Variants in ZBTB20 observed in about 807,000 individuals in gnomAD.
ZBTB20 encodes zinc finger and BTB domain containing 20, also known as zinc finger and BTB domain-containing protein 20.
A neutral mutation model predicts 56.9 loss-of-function variants in ZBTB20; 9 were observed. The observed-to-expected ratio is 0.16, with a 90% CI of 0.10 to 0.28. The LOEUF is 0.28. Ranked by LOEUF, ZBTB20 falls within the 10% of genes least tolerant of loss-of-function variation. The pLI, the probability that ZBTB20 is intolerant of heterozygous loss-of-function variation, is 1.00. For missense variants in ZBTB20, 655 were observed against 1,003.0 expected, an observed-to-expected ratio of 0.65 and a Z score of 4.69; for synonymous variants, 417 against 420.7, an observed-to-expected ratio of 0.99 and a Z score of 0.11.
At chr3:115,027,037 A>G (rs2080455385) in intron 2 of ZBTB20, among the ~76,000 whole-genome samples, 1 of 150,942 alleles carries the variant, frequency 6.6e-6, no homozygotes, top group Non-Finnish European at 1.5e-5. Flanking sequence ...TAATGACTGC[A>G]TAATATCCTA....
chr3:114,883,916 C>CCTTGTTTTTTTTTTT (rs1223732179), intron 4 of ZBTB20, among the ~76,000 whole-genome samples: 1 of 89,774 alleles, frequency 1.1e-5, no homozygotes, highest in Admixed American at 1.6e-4. Flanking sequence ...ATGGTGTGTT[C>CCTTGTTTTTTTTTTT]TTTTTTTTTT....
chr3:114,671,407 T>C (rs191712215), intron 6 of ZBTB20, among the ~76,000 whole-genome samples: 111 of 152,212 alleles, frequency 7.3e-4, no homozygotes, highest in Non-Finnish European at 9.0e-4. Context: ...TAGTTTAAGC[T>C]TCTGGTAAAA....
intron 6 of ZBTB20, among the ~76,000 whole-genome samples, chr3:114,637,415 T>G (rs564804649): frequency 6.6e-6 from 1 of 152,236 alleles, no homozygotes; most frequent in African/African-American, 2.4e-5. Flanking sequence ...AATTGGGGTT[T>G]CACAGATCAA....
chr3:115,079,519 G>T (rs2108535488), intron 1 of ZBTB20, among the ~76,000 whole-genome samples: 1 of 152,212 alleles, frequency 6.6e-6, no homozygotes. Context: ...CTCCTGAGTA[G>T]CTGGAATTGC....
chr3:114,714,288 G>A (rs1358046055), intron 5 of ZBTB20, among the ~76,000 whole-genome samples: 1 of 152,134 alleles, frequency 6.6e-6, no homozygotes, highest in African/African-American at 2.4e-5. Context: ...AGATGAACAT[G>A]CTTCAGGGCA....
intron 2 of ZBTB20, among the ~76,000 whole-genome samples, chr3:115,020,928 C>A (rs1182165837): frequency 1.3e-5 from 2 of 150,884 alleles, no homozygotes; most frequent in Admixed American, 6.6e-5. Context: ...AACATTATTG[C>A]TATGGTATAA....
At chr3:114,795,721 C>T (rs969644279) in intron 5 of ZBTB20, among the ~76,000 whole-genome samples, 3 of 152,058 alleles carry the variant, frequency 2.0e-5, no homozygotes, top group Non-Finnish European at 2.9e-5. Flanking sequence ...TGGACCACAG[C>T]TTGTAATGTT....
intron 5 of ZBTB20, among the ~76,000 whole-genome samples, chr3:114,746,392 T>A (rs981766562): frequency 4.6e-5 from 7 of 152,116 alleles, no homozygotes; most frequent in East Asian, 1.9e-4. Flanking sequence ...TGTTTTTTTT[T>A]AATTATTTGA....
At chr3:114,849,065 A>T (rs1270446690) in intron 4 of ZBTB20, among the ~76,000 whole-genome samples, 5 of 152,204 alleles carry the variant, frequency 3.3e-5, no homozygotes. Flanking sequence ...GGGTTCATAC[A>T]TTTTCAAAAT....
chr3:114,525,702 C>G (rs2047142839), intron 6 of ZBTB20, among the ~76,000 whole-genome samples: 1 of 152,174 alleles, frequency 6.6e-6, no homozygotes, highest in African/African-American at 2.4e-5. Flanking sequence ...CTTACAACTA[C>G]AGTATACTCA....
At chr3:114,522,378 A>T (rs2046741731) in intron 6 of ZBTB20, among the ~76,000 whole-genome samples, 1 of 152,112 alleles carries the variant, frequency 6.6e-6, no homozygotes, top group African/African-American at 2.4e-5. Flanking sequence ...CGCTAAATGA[A>T]GACAGAGAGG....
At chr3:114,540,981 T>C (rs1451392181) in intron 6 of ZBTB20, among the ~76,000 whole-genome samples, 2 of 151,998 alleles carry the variant, frequency 1.3e-5, no homozygotes, top group Non-Finnish European at 2.9e-5. Context: ...CCCTAGGACT[T>C]TTTCCTGAGA....
chr3:114,785,712 C>T (rs182083259), intron 5 of ZBTB20, among the ~76,000 whole-genome samples: 85 of 152,130 alleles, frequency 5.6e-4, no homozygotes, highest in African/African-American at 1.9e-3. Context: ...CACATTACCA[C>T]GGTCAAGATT....
At chr3:114,825,888 C>T (rs1210765871) in intron 4 of ZBTB20, among the ~76,000 whole-genome samples, 1 of 151,674 alleles carries the variant, frequency 6.6e-6, no homozygotes, top group Non-Finnish European at 1.5e-5. Context: ...TTAATTTTTT[C>T]AACTGTAAGA....
intron 5 of ZBTB20, among the ~76,000 whole-genome samples, chr3:114,768,707 T>C (rs2068958101): frequency 6.6e-6 from 1 of 152,202 alleles, no homozygotes; most frequent in South Asian, 2.1e-4. Context: ...AAAGTATATT[T>C]AGCTCATCTG....
chr3:114,512,500 T>TA (rs1243993847), intron 6 of ZBTB20, among the ~76,000 whole-genome samples: 2 of 152,144 alleles, frequency 1.3e-5, no homozygotes, highest in East Asian at 3.9e-4. Context: ...AAGTTATAAA[T>TA]ATAACCACCT....
At chr3:114,403,435 G>A (rs1341367704) in intron 7 of ZBTB20, among the ~76,000 whole-genome samples, 1 of 152,128 alleles carries the variant, frequency 6.6e-6, no homozygotes, top group Non-Finnish European at 1.5e-5. Context: ...AGGCACAGCA[G>A]TTCAGGAACG....
At chr3:114,987,521 A>T (rs2078598738) in intron 2 of ZBTB20, among the ~76,000 whole-genome samples, 1 of 152,214 alleles carries the variant, frequency 6.6e-6, no homozygotes, top group Non-Finnish European at 1.5e-5. Context: ...TTTTCAAAAG[A>T]GGATGAAGTG....
intron 4 of ZBTB20, among the ~76,000 whole-genome samples, chr3:114,814,595 T>C (rs1031133709): frequency 1.3e-5 from 2 of 152,194 alleles, no homozygotes; most frequent in African/African-American, 2.4e-5. Context: ...AGTAACATAT[T>C]TGTATCATCA....
Sources: gnomAD v4.1 joint callset for allele counts (sites outside exome capture counted in the v4.1 genomes callset) on GRCh38, gnomAD v4.1.1 for gene constraint, MANE v1.5 for transcripts, NCBI Gene and HGNC (gene_info 2026-07-23, HGNC 2026-07-21) for gene names.